The following NKAIN3 variants were observed in gnomAD, a reference collection of about 807,000 sequenced individuals.
NKAIN3 encodes the protein sodium/potassium-transporting ATPase subunit beta-1-interacting protein 3.
A neutral mutation model predicts 30.2 loss-of-function variants in NKAIN3; 25 were observed. That is an observed-to-expected ratio of 0.83 (90% confidence interval 0.60 to 1.16). NKAIN3 has a LOEUF of 1.16. Ranked by LOEUF, NKAIN3 falls within the 50% of genes most tolerant of loss-of-function variation. The pLI is 0.00. For missense variants in NKAIN3, 225 were observed against 254.1 expected (o/e 0.89, Z 0.78); for synonymous variants, 91 against 89.6 (o/e 1.02, Z -0.09).
At chr8:62,909,699 G>T (rs200019593) in intron 4 of NKAIN3, among the ~76,000 whole-genome samples, 1 of 79,984 alleles carries the variant, frequency 1.3e-5, no homozygotes, top group Admixed American at 1.4e-4. Context: ...AATCACAATA[G>T]CAAAAGTAAT....
At chr8:62,582,915 G>A (rs1810351342) in intron 2 of NKAIN3, among the ~76,000 whole-genome samples, 1 of 152,128 alleles carries the variant, frequency 6.6e-6, no homozygotes, top group Non-Finnish European at 1.5e-5. Flanking sequence ...ACACCTCAGT[G>A]TCATGGGCCT....
intron 5 of NKAIN3, among the ~76,000 whole-genome samples, chr8:62,953,077 T>C (rs532718431): frequency 1.3e-5 from 2 of 152,194 alleles, no homozygotes; most frequent in African/African-American, 2.4e-5. Context: ...GGGAAAATAT[T>C]TGGGCTAAAA....
chr8:62,515,651 C>T (rs531127222), intron 1 of NKAIN3, among the ~76,000 whole-genome samples: 4 of 152,206 alleles, frequency 2.6e-5, no homozygotes, highest in East Asian at 1.9e-4. Flanking sequence ...AATTGCACCA[C>T]GGATTGCTTT....
At chr8:62,578,735 A>T (rs1214069714) in intron 1 of NKAIN3, among the ~76,000 whole-genome samples, 2 of 151,968 alleles carry the variant, frequency 1.3e-5, no homozygotes, top group African/African-American at 4.8e-5. Context: ...CAATTATGTT[A>T]TACTAAGCCA....
At chr8:62,256,151 T>G (rs1563908659) in intron 1 of NKAIN3, among the ~76,000 whole-genome samples, 1 of 152,040 alleles carries the variant, frequency 6.6e-6, no homozygotes, top group East Asian at 1.9e-4. Flanking sequence ...TGGTGCCTCA[T>G]GCCTGTAATC....
chr8:62,827,164 C>T (rs772735720), intron 4 of NKAIN3, among the ~76,000 whole-genome samples: 3 of 152,302 alleles, frequency 2.0e-5, no homozygotes, highest in Non-Finnish European at 4.4e-5. Context: ...AAGTAAATTG[C>T]TTTGCATCAT....
chr8:62,864,020 G>T, intron 4 of NKAIN3: 1 of 720,126 alleles, frequency 1.4e-6, no homozygotes, highest in South Asian at 1.5e-5. Flanking sequence ...TTTGTAGGGT[G>T]TTTCTCTCTT....
chr8:62,766,824 C>A (rs927596997), intron 4 of NKAIN3, among the ~76,000 whole-genome samples: 1 of 152,114 alleles, frequency 6.6e-6, no homozygotes, highest in African/African-American at 2.4e-5. Context: ...TGAGGGCTTT[C>A]TAAGAACATT....
chr8:62,396,845 A>G (rs1431848277), intron 1 of NKAIN3, among the ~76,000 whole-genome samples: 1 of 152,208 alleles, frequency 6.6e-6, no homozygotes, highest in African/African-American at 2.4e-5. Flanking sequence ...ACCAGGTTAT[A>G]ACGACTTACT....
At chr8:62,596,794 C>T (rs115201418) in intron 3 of NKAIN3, among the ~76,000 whole-genome samples, 1,677 of 152,162 alleles carry the variant, frequency 0.011, 27 homozygotes, top group African/African-American at 0.035. Context: ...AAGGTCCCCT[C>T]GAACAGCATA....
intron 3 of NKAIN3, among the ~76,000 whole-genome samples, chr8:62,739,451 T>A (rs1338227050): frequency 6.6e-6 from 1 of 152,176 alleles, no homozygotes; most frequent in East Asian, 1.9e-4. Context: ...AGAATTTATG[T>A]TGCTCTGATA....
intron 1 of NKAIN3, among the ~76,000 whole-genome samples, chr8:62,251,203 A>G (rs1812090516): frequency 1.3e-5 from 2 of 152,172 alleles, no homozygotes; most frequent in South Asian, 4.1e-4. Flanking sequence ...ATTCATAAAC[A>G]GTTTTTCCAT....
At chr8:62,298,256 C>T (rs946450755) in intron 1 of NKAIN3, among the ~76,000 whole-genome samples, 3 of 151,894 alleles carry the variant, frequency 2.0e-5, no homozygotes, top group African/African-American at 4.8e-5. Context: ...ACACCAGCAT[C>T]GCACATGTAT....
chr8:62,320,729 T>A (rs4532584), intron 1 of NKAIN3, among the ~76,000 whole-genome samples: 83,426 of 151,536 alleles, frequency 0.55, 23,350 homozygotes, highest in Non-Finnish European at 0.61. Context: ...CTTCCCTTTG[T>A]GGGTATCCCG....
chr8:62,495,935 C>T (rs1047344518), intron 1 of NKAIN3, among the ~76,000 whole-genome samples: 3 of 152,098 alleles, frequency 2.0e-5, no homozygotes, highest in Admixed American at 6.6e-5. Context: ...GACTCCAGGC[C>T]AGTGCTTATG....
intron 1 of NKAIN3, among the ~76,000 whole-genome samples, chr8:62,526,583 A>G (rs1658473477): frequency 6.6e-6 from 1 of 152,172 alleles, no homozygotes; most frequent in African/African-American, 2.4e-5. Flanking sequence ...TTCCAATATT[A>G]TCATCTAGGA....
At position 62,581,853 on chromosome 8, in the gene NKAIN3, C is replaced by T. The variant is rs1194423955; in HGVS notation, c.192+2177C>T. On this transcript the variant is annotated intron_variant, in intron 2 of 6. Coordinates refer to ENST00000623646, the MANE Select transcript of NKAIN3 (RefSeq NM_001304533.3). ...CCCTCTTTCCTTTTTTCCTTCCTCC[C>T]TCCCACCCATCCTCACTCCCTTCCT... 1.5e-3 allele frequency among the ~76,000 whole-genome samples: 44 copies of T among 28,948 alleles called. 3 individuals carry two copies. Among genetic ancestry groups the T allele is most frequent in the African/African-American group, 4.6e-3 (39 of 8,392 alleles). 19.0% of individuals were successfully genotyped at this position (28,948 alleles called of 152,430 possible).
chr8:62,377,208 T>C (rs2129593715), intron 1 of NKAIN3, among the ~76,000 whole-genome samples: 1 of 152,294 alleles, frequency 6.6e-6, no homozygotes, highest in East Asian at 1.9e-4. Flanking sequence ...TGCACTCTTC[T>C]TTTAAAAAAA....
At chr8:62,650,890 A>T (rs1812601419) in intron 3 of NKAIN3, among the ~76,000 whole-genome samples, 1 of 152,172 alleles carries the variant, frequency 6.6e-6, no homozygotes, top group African/African-American at 2.4e-5. Flanking sequence ...ATTCTAGAAA[A>T]ATAATACTTA....
Sources: gnomAD v4.1 joint callset for allele counts (sites outside exome capture counted in the v4.1 genomes callset) on GRCh38, gnomAD v4.1.1 for gene constraint, MANE v1.5 for transcripts, NCBI Gene and HGNC (gene_info 2026-07-23, HGNC 2026-07-21) for gene names.